The following CACNG2 variants were observed in gnomAD, a reference collection of about 807,000 sequenced individuals.
CACNG2 encodes calcium voltage-gated channel auxiliary subunit gamma 2.
A neutral mutation model predicts 25.9 loss-of-function variants in CACNG2; 3 were observed. The ratio of observed to expected loss-of-function variants is 0.12; its 90% CI spans 0.05 to 0.30. The LOEUF is 0.30. Among genes scored for constraint, CACNG2 ranks in the 10% least tolerant of loss-of-function variants. The pLI is 1.00. For missense variants in CACNG2, 341 were observed against 432.5 expected (o/e 0.79, Z 1.88); for synonymous variants, 167 against 173.3 (o/e 0.96, Z 0.29).
intron 1 of CACNG2, among the ~76,000 whole-genome samples, chr22:36,592,700 T>C (rs553025467): frequency 6.6e-6 from 1 of 152,096 alleles, no homozygotes; most frequent in Non-Finnish European, 1.5e-5. Flanking sequence ...AGCTAAATGA[T>C]GGCTTGACTG....
At chr22:36,602,924 C>A (rs992746806) in intron 1 of CACNG2, among the ~76,000 whole-genome samples, 1 of 152,034 alleles carries the variant, frequency 6.6e-6, no homozygotes, top group Non-Finnish European at 1.5e-5. Flanking sequence ...CAATTAATAA[C>A]CCTACAATGG....
intron 1 of CACNG2, among the ~76,000 whole-genome samples, chr22:36,609,877 T>G (rs1935908562): frequency 7.6e-6 from 1 of 132,038 alleles, no homozygotes; most frequent in African/African-American, 3.0e-5. Context: ...CCGCAAACCA[T>G]GACAGGGAGG....
At chr22:36,600,410 C>T (rs1178723615) in intron 1 of CACNG2, among the ~76,000 whole-genome samples, 4 of 148,832 alleles carry the variant, frequency 2.7e-5, no homozygotes, top group Non-Finnish European at 5.9e-5. Context: ...CCACCACACC[C>T]GTCCTGTCTT....
At chr22:36,688,797 C>G (rs1398333425) in intron 1 of CACNG2, among the ~76,000 whole-genome samples, 1 of 152,186 alleles carries the variant, frequency 6.6e-6, no homozygotes, top group Non-Finnish European at 1.5e-5. Context: ...AGACCTGTGG[C>G]ATCAGCCTCA....
In CACNG2 at chr22:36,702,475, G is replaced by C; in HGVS notation, c.102C>G (p.Leu34=). 6.2e-7 allele frequency: 1 copy of C among 1,614,076 alleles called. No individual in the cohort carries two copies. The highest frequency in any genetic ancestry group is 8.5e-7 in the Non-Finnish European group (1 of 1,179,980). ...TGGTCTTGCAAACCCCTCTGGAGTA[G>C]AGCCAATAGTCGGTTCCCACAGCTA... ...MTIAVGTDYW[L]YSRGVCKTKS... The change falls in exon 1 of 4, where the codon CTC becomes CTG. Residue 34 remains leucine (L), a synonymous_variant. Coordinates refer to ENST00000300105, the MANE Select transcript of CACNG2 (RefSeq NM_006078.5).
intron 1 of CACNG2, among the ~76,000 whole-genome samples, chr22:36,631,495 C>T (rs2145958485): frequency 6.6e-6 from 1 of 152,258 alleles, no homozygotes; most frequent in East Asian, 1.9e-4. Flanking sequence ...TAACCTATCC[C>T]TGAGCAATAA....
intron 1 of CACNG2, among the ~76,000 whole-genome samples, chr22:36,626,347 G>A (rs1490599560): frequency 6.6e-6 from 1 of 152,170 alleles, no homozygotes; most frequent in Admixed American, 6.5e-5. Flanking sequence ...TGCTTCTCCG[G>A]CAAAGCATAA....
In CACNG2 at chr22:36,564,724, A is replaced by G; in HGVS notation, c.599T>C (p.Met200Thr). The G allele has an allele frequency of 6.2e-7, 1 of 1,614,142 alleles. No individual in the cohort carries two copies. The highest frequency in any genetic ancestry group is 1.6e-4 in the Middle Eastern group (1 of 6,062). ...AEMVGVLAVHMFIDRHKQLRA... is the reference protein window; with the variant it reads ...AEMVGVLAVHTFIDRHKQLRA... ...CAGCTGTTTGTGCCGGTCGATAAAC[A>G]TGTGCACCGCCAGCACCCCGACCAT... Residue 200 changes from methionine (M) to threonine (T), a missense_variant, in exon 4 of 4, where the codon ATG (methionine) becomes ACG (threonine). Met to Thr is a moderately conservative substitution (Grantham distance 81, BLOSUM62 -1). Coordinates refer to ENST00000300105, the MANE Select transcript of CACNG2 (RefSeq NM_006078.5). This position sits in a 1 kb window ranked among gnomAD's most constrained non-coding sequence, Gnocchi z 6.7.
At chr22:36,614,687 A>G (rs909005620) in intron 1 of CACNG2, among the ~76,000 whole-genome samples, 1 of 152,166 alleles carries the variant, frequency 6.6e-6, no homozygotes, top group Non-Finnish European at 1.5e-5. Context: ...GCAAGTGGTG[A>G]GGCCTGTGAT....
At chr22:36,621,685 T>C (rs1270745157) in intron 1 of CACNG2, among the ~76,000 whole-genome samples, 1 of 152,170 alleles carries the variant, frequency 6.6e-6, no homozygotes, top group Non-Finnish European at 1.5e-5. Context: ...TTCTGTTGCA[T>C]GCACACACAG....
intron 2 of CACNG2, among the ~76,000 whole-genome samples, chr22:36,575,679 C>T (rs1044970524): frequency 6.6e-5 from 10 of 152,310 alleles, no homozygotes; most frequent in East Asian, 1.9e-4. Flanking sequence ...TCTCTAAGGC[C>T]CTGTCCCTCA....
intron 1 of CACNG2, among the ~76,000 whole-genome samples, chr22:36,677,644 C>T (rs1247204126): frequency 7.2e-5 from 11 of 152,180 alleles, no homozygotes; most frequent in Non-Finnish European, 1.3e-4. Context: ...TAGCAGGTCA[C>T]GAGTGTATGC....
intron 1 of CACNG2, among the ~76,000 whole-genome samples, chr22:36,663,283 T>C (rs908620212): frequency 6.6e-6 from 1 of 152,184 alleles, no homozygotes; most frequent in African/African-American, 2.4e-5. Context: ...TTCTGCTTTT[T>C]GTGAACCAAG....
At chr22:36,655,046 G>A (rs553986587) in intron 1 of CACNG2, among the ~76,000 whole-genome samples, 1 of 152,054 alleles carries the variant, frequency 6.6e-6, no homozygotes, top group Non-Finnish European at 1.5e-5. Context: ...CAGAATGCTG[G>A]GGCCGGACTG....
intron 1 of CACNG2, among the ~76,000 whole-genome samples, chr22:36,615,942 A>T (rs554772443): frequency 6.6e-6 from 1 of 152,344 alleles, no homozygotes; most frequent in East Asian, 1.9e-4. Context: ...TCTCTTATTT[A>T]TTCCTCACAT....
intron 1 of CACNG2, among the ~76,000 whole-genome samples, chr22:36,625,952 C>T (rs1384099810): frequency 6.6e-6 from 1 of 152,130 alleles, no homozygotes; most frequent in East Asian, 1.9e-4. Flanking sequence ...TGGAATCTTA[C>T]TCTGTCACCC....
intron 1 of CACNG2, among the ~76,000 whole-genome samples, chr22:36,688,781 G>A (rs960760313): frequency 6.6e-6 from 1 of 152,132 alleles, no homozygotes; most frequent in Non-Finnish European, 1.5e-5. Context: ...TCAAACTGTG[G>A]TCTGCAGACC....
intron 1 of CACNG2, among the ~76,000 whole-genome samples, chr22:36,613,156 C>CTCTGTGTG (rs140413982): frequency 0.11 from 15,869 of 145,928 alleles, 1,171 homozygotes; most frequent in Non-Finnish European, 0.15. Context: ...TACAGGCTCT[C>CTCTGTGTG]TGTGTGTGTG....
intron 1 of CACNG2, among the ~76,000 whole-genome samples, chr22:36,648,816 C>T (rs565219936): frequency 3.9e-5 from 6 of 152,190 alleles, no homozygotes; most frequent in South Asian, 4.2e-4. Context: ...CATCCATCAG[C>T]GAGTCTTGTC....
Sources: allele counts gnomAD v4.1 joint callset (sites outside exome capture counted in the v4.1 genomes callset), GRCh38; gene constraint gnomAD v4.1.1; non-coding constraint Gnocchi (gnomAD v3.1); transcripts MANE v1.5; gene names NCBI Gene and HGNC (gene_info 2026-07-23, HGNC 2026-07-21).